ASAP1: variants seen among roughly 807,000 people sequenced by gnomAD.
ASAP1 encodes arf-GAP with SH3 domain, ANK repeat and PH domain-containing protein 1.
A neutral mutation model predicts 145.2 loss-of-function variants in ASAP1; 43 were observed. The ratio of observed to expected loss-of-function variants is 0.30; its 90% CI spans 0.23 to 0.38. The LOEUF is 0.38. ASAP1 is among the 10% of genes least tolerant of loss of function. The pLI, the probability that ASAP1 is intolerant of heterozygous loss-of-function variation, is 1.00. For synonymous variants in ASAP1, 546 were observed against 515.5 expected, an observed-to-expected ratio of 1.06 and a Z score of -0.80; for missense variants, 1,018 against 1,355.3, an observed-to-expected ratio of 0.75 and a Z score of 3.91.
chr8:130,117,971 C>CAAA (rs2097559143), intron 20 of ASAP1, among the ~76,000 whole-genome samples, 190 bp downstream of exon 20: 1 of 152,218 alleles, frequency 6.6e-6, no homozygotes, highest in Non-Finnish European at 1.5e-5. Flanking sequence ...TGGCTGCTTT[C>CAAA]ACACTACCAT....
At chr8:130,081,805 C>T (rs745409436) in intron 25 of ASAP1, among the ~76,000 whole-genome samples, 3 of 152,200 alleles carry the variant, frequency 2.0e-5, no homozygotes, top group Non-Finnish European at 2.9e-5. Flanking sequence ...CTCTTCATTA[C>T]CCATCAAGAC....
intron 26 of ASAP1, among the ~76,000 whole-genome samples, chr8:130,077,507 T>C (rs993431529): frequency 3.3e-5 from 5 of 150,674 alleles, no homozygotes; most frequent in Non-Finnish European, 7.4e-5. Context: ...TGTCCCCTGA[T>C]GTCCTAAGAG....
At chr8:130,197,595 T>A (rs1371502253) in intron 5 of ASAP1, among the ~76,000 whole-genome samples, 31 of 152,194 alleles carry the variant, frequency 2.0e-4, no homozygotes, top group Admixed American at 1.9e-3. Flanking sequence ...CACACGCAGT[T>A]AGCTGAGACA....
intron 3 of ASAP1, among the ~76,000 whole-genome samples, chr8:130,271,278 C>T (rs1437515904): frequency 6.6e-6 from 1 of 152,148 alleles, no homozygotes; most frequent in Non-Finnish European, 1.5e-5. Flanking sequence ...GTTAAAGGGG[C>T]AGTTTATCCT....
At chr8:130,157,702 AC>A (rs775161338) in intron 12 of ASAP1, among the ~76,000 whole-genome samples, 12 of 152,102 alleles carry the variant, frequency 7.9e-5, no homozygotes, top group Admixed American at 2.0e-4. Context: ...AGTATTTGTC[AC>A]CATGAGATGC....
At chr8:130,161,935 G>C (rs2097670031) in intron 11 of ASAP1, among the ~76,000 whole-genome samples, 1 of 152,048 alleles carries the variant, frequency 6.6e-6, no homozygotes, top group South Asian at 2.1e-4. Flanking sequence ...TGAGTAGCTG[G>C]GACTACAGGT....
intron 2 of ASAP1, among the ~76,000 whole-genome samples, chr8:130,367,112 G>A (rs536765717): frequency 9.1e-4 from 138 of 151,770 alleles, no homozygotes; most frequent in African/African-American, 3.0e-3. Context: ...GGATGGTCTC[G>A]ATCTCTTGAC....
Position 130,116,717 on chromosome 8 carries a change from G to A in ASAP1, c.2025C>T (p.Asp675=). The change falls in exon 22 of 30, where the codon GAC becomes GAT. Residue 675 remains aspartate, a synonymous_variant. Transcript: ENST00000518721. ...GGGTAGCTTTTAGTCTCTTTGCTAT[G>A]TCTAGGGCAGTTTCTCCAGCCTGGT... ...IVNQAGETAL[D]IAKRLKATQC... 6.2e-7 allele frequency: 1 copy of A among 1,614,008 alleles called. No homozygotes were observed. The highest frequency in any genetic ancestry group is 2.2e-5 in the East Asian group (1 of 44,870).
chr8:130,374,094 A>T (rs1199976671), intron 2 of ASAP1, among the ~76,000 whole-genome samples: 3 of 151,448 alleles, frequency 2.0e-5, no homozygotes, highest in African/African-American at 7.3e-5. Flanking sequence ...CTTAGAAGTC[A>T]AAAGACCTGC....
chr8:130,116,992 C>T lies in ASAP1; in HGVS notation c.1884G>A (p.Gly628=), dbSNP rs1479580072. Residue 628 remains glycine (G), a synonymous_variant, in exon 21 of 30, where the codon GGG becomes GGA. Coordinates refer to ENST00000518721, the MANE Select transcript of ASAP1 (RefSeq NM_018482.4). ...CCAGGGCCGTCTGCTTATCCAGGTT[C>T]CCACTGAAAAATTAGATGATGATTA... is the stretch of plus-strand genomic sequence containing the variant. ...HLVDFLVQNC[G]NLDKQTALGN... The T allele has an allele frequency of 3.8e-6, 6 of 1,599,050 alleles. No homozygotes were observed. In the East Asian group the frequency reaches 1.1e-4, roughly 30 times the overall value.
intron 3 of ASAP1, among the ~76,000 whole-genome samples, chr8:130,344,296 C>G (rs927462272): frequency 5.3e-5 from 8 of 151,794 alleles, no homozygotes; most frequent in African/African-American, 1.9e-4. Flanking sequence ...AAGAGACAAC[C>G]AGGGAAATTT....
Position 130,112,300 on chromosome 8 carries a change from C to T in ASAP1, c.2195G>A (p.Arg732His), listed in dbSNP as rs746266855. 4.7e-5 allele frequency: 76 copies of T among 1,614,010 alleles called. No homozygotes were observed. The East Asian group carries it at 1.1e-3, about 23-fold the overall frequency. The change falls in exon 24 of 30, where the codon CGC (arginine) becomes CAC (histidine). Residue 732 changes from arginine to histidine, a missense_variant. Physicochemically the swap from Arg to His is conservative, Grantham distance 29 (BLOSUM62 0). This residue lies in a region of ASAP1 where 353 missense variants were observed against 375.4 expected (regional missense o/e 0.94). Coordinates refer to ENST00000518721, the MANE Select transcript of ASAP1 (RefSeq NM_018482.4). Reference protein sequence around the residue: ...DDKPSPIKKERSPRPQSFCHS... With the variant: ...DDKPSPIKKEHSPRPQSFCHS... ...GCAGAAGCTCTGAGGTCTGGGTGAG[C>T]GCTCTTTCTTGATAGGGCTTGGCTG...
intron 3 of ASAP1, among the ~76,000 whole-genome samples, chr8:130,250,465 T>C (rs776661891): frequency 6.6e-6 from 1 of 152,156 alleles, no homozygotes; most frequent in South Asian, 2.1e-4. Context: ...CTTACTATAG[T>C]TGCTTCATGT....
In ASAP1 at chr8:130,074,793, C is replaced by T. The variant is rs182981395; in HGVS notation, c.2701+1555G>A. On this transcript the variant is annotated intron_variant, in intron 27 of 29. Coordinates refer to ENST00000518721, the MANE Select transcript of ASAP1 (RefSeq NM_018482.4). ...TGTAGGGGAGTGGGCTGAAAGGTTG[C>T]GGTGCTGGGACTGCTGGGCAGCCCC... is the stretch of plus-strand genomic sequence containing the variant. Among the ~76,000 whole-genome samples the T allele has an allele frequency of 1.8e-4, 27 of 152,222 alleles. No homozygotes were observed. The East Asian group carries it at 2.7e-3, about 15-fold the overall frequency.
At position 130,332,217 on chromosome 8, in the gene ASAP1, T is replaced by C. The variant is rs79726229; in HGVS notation, c.186+25800A>G. Among the ~76,000 whole-genome samples, 11 of 152,360 alleles carry C rather than the reference T, an allele frequency of 7.2e-5. No homozygotes were observed. In the East Asian group the frequency reaches 1.9e-3, roughly 27 times the overall value. On this transcript the variant is annotated intron_variant, in intron 3 of 29. Transcript: ENST00000518721. Reference sequence around the variant, plus strand: ...TTACAGCTTCTGCTCTGCATCTTTCTGGTGCTTTTCAATGAAGATGTTGAG... The same window carrying C: ...TTACAGCTTCTGCTCTGCATCTTTCCGGTGCTTTTCAATGAAGATGTTGAG...
At chr8:130,212,722 A>G (rs934999978) in intron 5 of ASAP1, among the ~76,000 whole-genome samples, 1 of 152,232 alleles carries the variant, frequency 6.6e-6, no homozygotes, top group Non-Finnish European at 1.5e-5. Flanking sequence ...GGAGACAAAC[A>G]AATGTATTAG....
At chr8:130,424,845 T>A (rs898166394) in intron 1 of ASAP1, among the ~76,000 whole-genome samples, 2 of 151,852 alleles carry the variant, frequency 1.3e-5, no homozygotes, top group Non-Finnish European at 1.5e-5. Context: ...TACAAAAAAT[T>A]AGCCGGGCAT....
At chr8:130,142,026 A>G (rs1336483141) in intron 13 of ASAP1, among the ~76,000 whole-genome samples, 4 of 152,182 alleles carry the variant, frequency 2.6e-5, no homozygotes, top group Non-Finnish European at 4.4e-5. Flanking sequence ...CCCTCAATAA[A>G]TATTTACTAA....
chr8:130,137,686 CAATATCTGGGGAGAGAG>C (rs1424579493), intron 13 of ASAP1, among the ~76,000 whole-genome samples: 1 of 152,144 alleles, frequency 6.6e-6, no homozygotes, highest in East Asian at 1.9e-4. Context: ...TAATGAACCC[CAATATCTGGGGAGAGAG>C]AAAATTTGAT....
Sources: allele counts gnomAD v4.1 joint callset (sites outside exome capture counted in the v4.1 genomes callset), GRCh38; gene constraint gnomAD v4.1.1; regional missense constraint gnomAD v4.1.1; transcripts MANE v1.5; gene names NCBI Gene and HGNC (gene_info 2026-07-23, HGNC 2026-07-21).